RGPD1: variants seen among roughly 807,000 people sequenced by gnomAD.
RGPD1 encodes the protein RANBP2-like and GRIP domain-containing protein 1.
In RGPD1, 7 loss-of-function variants were observed where a neutral mutation model predicts 40.6. The observed-to-expected ratio is 0.17, with a 90% confidence interval of 0.10 to 0.32. The LOEUF (loss-of-function observed/expected upper bound fraction) is 0.32. RGPD1 is among the 10% of genes least tolerant of loss of function. RGPD1 has a pLI of 1.00. For synonymous variants in RGPD1, 24 were observed against 167.0 expected, an observed-to-expected ratio of 0.14 and a Z score of 6.60; for missense variants, 50 against 472.5, an observed-to-expected ratio of 0.11 and a Z score of 8.29.
chr2:86,941,412 G>A (rs573954749), upstream of RGPD1, among the ~76,000 whole-genome samples: 11 of 148,702 alleles, frequency 7.4e-5, no homozygotes, highest in Non-Finnish European at 1.2e-4. Flanking sequence ...TTTGAGACAA[G>A]TGTCTCACTC....
chr2:86,935,933 A>G (rs552797509), intron 1 of RGPD1, among the ~76,000 whole-genome samples: 2 of 147,314 alleles, frequency 1.4e-5, no homozygotes, highest in South Asian at 4.3e-4. Context: ...TACTTCTTCC[A>G]TCTTGCATTG....
chr2:86,997,079 A>G lies in RGPD1; in HGVS notation c.5041-484A>G, dbSNP rs994850214. ...GAACTCCAGTATTTACACAGGATGC[A>G]TCCTCTCCTCTTGTCAGTGATACTT... On this transcript the variant is annotated intron_variant, in intron 21 of 22. Coordinates refer to ENST00000641458, the MANE Select transcript of RGPD1 (RefSeq NM_001382344.1). Among the ~76,000 whole-genome samples the G allele has an allele frequency of 2.6e-3, 388 of 149,988 alleles. 29 individuals carry two copies. The highest frequency in any genetic ancestry group is 9.2e-3 in the African/African-American group (365 of 39,764).
At chr2:86,929,542 T>C (rs569057450) in intron 1 of RGPD1, among the ~76,000 whole-genome samples, 23 of 151,108 alleles carry the variant, frequency 1.5e-4, no homozygotes, top group African/African-American at 4.6e-4. Flanking sequence ...ATGAATTGTT[T>C]AATCCTCACA....
At chr2:86,942,828 G>A (rs1163643307) in intron 1 of RGPD1, among the ~76,000 whole-genome samples, 1 of 151,982 alleles carries the variant, frequency 6.6e-6, no homozygotes, top group African/African-American at 2.4e-5. Context: ...GCTTGCAAGC[G>A]CAGGAAGAGT....
chr2:86,977,741 A>C lies in RGPD1; in HGVS notation c.2361A>C (p.Ser787=). 4.5e-6 allele frequency: 1 copy of C among 221,072 alleles called. No homozygotes were observed. Among genetic ancestry groups the C allele is most frequent in the Non-Finnish European group, 8.0e-6 (1 of 125,470 alleles). The allele number at this position is 221,072 out of a possible 1,614,324, so 13.7% of individuals were successfully genotyped here. A position where few individuals can be genotyped will look rare whatever the true frequency, so the allele number is the denominator to read the frequency against. Residue 787 remains serine (S), a synonymous_variant, in exon 16 of 23, where the codon TCA becomes TCC. Coordinates refer to ENST00000641458, the MANE Select transcript of RGPD1 (RefSeq NM_001382344.1). Reference sequence around the variant, plus strand: ...CATCTCCTACCAAATATTCACTATCACCAAGTAAAAGTTACAAGGTAAACA... The same window carrying C: ...CATCTCCTACCAAATATTCACTATCCCCAAGTAAAAGTTACAAGGTAAACA... ...STPSPTKYSL[S]PSKSYKYSPK...
intron 4 of RGPD1, among the ~76,000 whole-genome samples, chr2:86,954,689 AG>A (rs1680627989): frequency 7.1e-6 from 1 of 141,696 alleles, no homozygotes; most frequent in Non-Finnish European, 1.6e-5. Context: ...CATTTTGGAT[AG>A]GGGATACTCA....
upstream of RGPD1, among the ~76,000 whole-genome samples, chr2:86,940,938 AATC>A (rs1679692548): frequency 2.0e-5 from 3 of 152,224 alleles, no homozygotes; most frequent in African/African-American, 4.8e-5. Flanking sequence ...GTAAGCTCAG[AATC>A]ATCTTTTTCT....
Position 86,930,881 on chromosome 2 carries a change from C to T in RGPD1, c.72+16960C>T, listed in dbSNP as rs1573583918. 10 of 589,796 alleles carry T rather than the reference C, an allele frequency of 1.7e-5. 1 individual carries two copies. The highest frequency in any genetic ancestry group is 1.2e-4 in the South Asian group (6 of 49,154). 36.5% of individuals were successfully genotyped at this position (589,796 alleles called of 1,614,324 possible). ...CTTCGCTGAGGCCACCATCACTCCG[C>T]GGCCGGAGCTTCCATCCCCAGAGCC... On this transcript the variant is annotated intron_variant, in intron 1 of 22. Transcript: ENST00000398193.
rs538597337 is a variant in RGPD1, at chr2:86,928,738, G to T, written c.72+14817G>T. ...GCATTGGCAATGAGAAAGTAGACAG[G>T]CACCATTCATGAGGTATTTCTTAGC... On this transcript the variant is annotated intron_variant, in intron 1 of 22. Coordinates refer to the RGPD1 transcript ENST00000398193. Among the ~76,000 whole-genome samples the T allele has an allele frequency of 9.2e-5, 14 of 152,300 alleles. No individual in the cohort carries two copies. In the East Asian group the frequency reaches 2.7e-3, roughly 29 times the overall value.
intron 1 of RGPD1, among the ~76,000 whole-genome samples, chr2:86,929,496 C>T (rs1366804113): frequency 4.6e-5 from 7 of 151,826 alleles, no homozygotes; most frequent in Non-Finnish European, 1.0e-4. Context: ...TTGTTTAGCA[C>T]TTGCTATGTG....
In RGPD1 at chr2:86,997,671, A is replaced by G; in HGVS notation, c.5149A>G (p.Ser1717Gly). The change falls in exon 22 of 23, where the codon AGT becomes GGT. Residue 1717 changes from serine to glycine, a missense_variant. By Grantham distance (56) the Ser-to-Gly change is moderately conservative. Coordinates refer to ENST00000641458, the MANE Select transcript of RGPD1 (RefSeq NM_001382344.1). ...LLQFIFLKPG[S>G]ERESLLPVIN... ...GCAGTTCATTTTCTTGAAGCCAGGT[A>G]GTGAGAGAGAGAGCCTTCTTCCTGT... 1 of 891,748 alleles carries G rather than the reference A, an allele frequency of 1.1e-6. No individual in the cohort carries two copies. Among genetic ancestry groups the G allele is most frequent in the South Asian group, 1.4e-5 (1 of 71,782 alleles). 55.2% of individuals were successfully genotyped at this position (891,748 alleles called of 1,614,324 possible). A position where few individuals can be genotyped will look rare whatever the true frequency, so the allele number is the denominator to read the frequency against.
intron 1 of RGPD1, chr2:86,913,959 G>GC (rs1302424003): frequency 8.0e-6 from 10 of 1,244,376 alleles, no homozygotes; most frequent in African/African-American, 4.9e-5. Flanking sequence ...CCTCGACCTG[G>GC]CGGGGCGGTG....
chr2:86,928,350 A>G (rs1031131988), intron 1 of RGPD1, among the ~76,000 whole-genome samples: 1 of 152,166 alleles, frequency 6.6e-6, no homozygotes, highest in Non-Finnish European at 1.5e-5. Flanking sequence ...ATAATAAGAG[A>G]ATAAATTAGA....
chr2:86,942,629 C>G (rs1054966077), intron 1 of RGPD1, among the ~76,000 whole-genome samples: 25 of 136,284 alleles, frequency 1.8e-4, no homozygotes, highest in Non-Finnish European at 3.6e-4. Context: ...CTGGCGCGCT[C>G]TGTTGAGGCG....
At chr2:86,918,293 G>A (rs1677867940) in intron 1 of RGPD1, among the ~76,000 whole-genome samples, 1 of 150,554 alleles carries the variant, frequency 6.6e-6, no homozygotes, top group Non-Finnish European at 1.5e-5. Flanking sequence ...TCAGCAGAGT[G>A]GTGTCTTCAG....
rs1310806833 is a variant in RGPD1, at chr2:87,011,075, CCTG to C, written c.5237-1436_5237-1434del. ...AATGAAAACATTTTCTAGAGCCACTCCTGCCCTTCACACTCAGGAATGTCGCAG... is the reference window on the plus strand; with the variant it reads ...AATGAAAACATTTTCTAGAGCCACTCCCCTTCACACTCAGGAATGTCGCAG... On this transcript the variant is annotated intron_variant, in intron 22 of 22. Transcript: ENST00000641458. 4 of 372,658 alleles carry C rather than the reference CCTG, an allele frequency of 1.1e-5. No homozygotes were observed. In the East Asian group the frequency reaches 3.5e-4, roughly 33 times the overall value. 23.1% of individuals were successfully genotyped at this position (372,658 alleles called of 1,614,324 possible).
chr2:86,918,169 T>A (rs1179372856), intron 1 of RGPD1, among the ~76,000 whole-genome samples: 1 of 151,114 alleles, frequency 6.6e-6, no homozygotes, highest in Non-Finnish European at 1.5e-5. Flanking sequence ...AGCCGAGTAC[T>A]ATACCATCTA....
chr2:86,944,491 C>A (rs2104775354), intron 1 of RGPD1, among the ~76,000 whole-genome samples: 1 of 152,054 alleles, frequency 6.6e-6, no homozygotes, highest in Admixed American at 6.5e-5. Context: ...CAACTTCCGC[C>A]TCCCCAGCTC....
chr2:86,945,084 G>A (rs1325758098), intron 1 of RGPD1, among the ~76,000 whole-genome samples: 6 of 150,424 alleles, frequency 4.0e-5, no homozygotes, highest in African/African-American at 1.2e-4. Flanking sequence ...GAGATTCTTA[G>A]TGGGGATCTT....
Sources: allele counts gnomAD v4.1 joint callset (sites outside exome capture counted in the v4.1 genomes callset), GRCh38; gene constraint gnomAD v4.1.1; transcripts MANE v1.5; gene names NCBI Gene and HGNC (gene_info 2026-07-23, HGNC 2026-07-21).